DCC: variants seen among roughly 807,000 people sequenced by gnomAD.
DCC encodes netrin receptor DCC.
Under a neutral mutation model 172.5 loss-of-function variants are expected in DCC, and 58 were observed. The ratio of observed to expected loss-of-function variants is 0.34; its 90% confidence interval spans 0.27 to 0.42. DCC has a LOEUF of 0.42. Ranked by LOEUF, DCC falls within the 10% of genes least tolerant of loss-of-function variation. The pLI is 1.00. For synonymous variants in DCC, 709 were observed against 644.5 expected (o/e 1.10, Z -1.52); for missense variants, 1,740 against 1,791.0 (o/e 0.97, Z 0.51).
intron 1 of DCC, among the ~76,000 whole-genome samples, chr18:52,391,264 C>T (rs1986019628): frequency 2.6e-5 from 4 of 152,080 alleles, no homozygotes; most frequent in Admixed American, 6.6e-5. Context: ...CTTTGTAGCT[C>T]ATGAACACTT....
At chr18:52,957,742 A>G (rs754751742) in intron 5 of DCC, among the ~76,000 whole-genome samples, 1 of 152,134 alleles carries the variant, frequency 6.6e-6, no homozygotes, top group Non-Finnish European at 1.5e-5. Context: ...GCCAGGAGGT[A>G]TAGAGAGTAC....
intron 5 of DCC, among the ~76,000 whole-genome samples, chr18:52,935,768 T>C (rs2040372015): frequency 6.6e-6 from 1 of 152,112 alleles, no homozygotes; most frequent in African/African-American, 2.4e-5. Context: ...CTCTTTGCCA[T>C]AAATGGGAAG....
chr18:53,102,011 T>G (rs2043180727), intron 7 of DCC, among the ~76,000 whole-genome samples: 1 of 152,124 alleles, frequency 6.6e-6, no homozygotes. Flanking sequence ...AAGCAGGCCC[T>G]GCATTAAGGC....
intron 27 of DCC, among the ~76,000 whole-genome samples, chr18:53,521,079 C>T (rs944929237): frequency 6.6e-6 from 1 of 151,832 alleles, no homozygotes; most frequent in Non-Finnish European, 1.5e-5. Context: ...CAAGAGCCCT[C>T]GTGGTTCCGG....
intron 23 of DCC, among the ~76,000 whole-genome samples, chr18:53,451,749 C>A (rs962230536): frequency 6.6e-6 from 1 of 151,506 alleles, no homozygotes; most frequent in African/African-American, 2.4e-5. Flanking sequence ...CTCTCTCTCT[C>A]TGTCTGTCTT....
chr18:52,366,448 G>C (rs564910823), intron 1 of DCC, among the ~76,000 whole-genome samples: 5 of 152,130 alleles, frequency 3.3e-5, no homozygotes, highest in Non-Finnish European at 5.9e-5. Context: ...TGGTAGAGCC[G>C]AGTGGCCTGT....
At chr18:52,768,909 A>G (rs974890465) in intron 2 of DCC, among the ~76,000 whole-genome samples, 3 of 152,226 alleles carry the variant, frequency 2.0e-5, no homozygotes, top group Admixed American at 1.3e-4. Flanking sequence ...CAGAAGAGAA[A>G]AATATCTGTG....
chr18:53,259,373 G>A (rs543723080), intron 12 of DCC, among the ~76,000 whole-genome samples: 309 of 152,256 alleles, frequency 2.0e-3, no homozygotes, highest in African/African-American at 7.1e-3. Context: ...CATGTTTAGT[G>A]CTTCCTTCAG....
At chr18:53,501,494 T>C (rs2046097119) in intron 27 of DCC, among the ~76,000 whole-genome samples, 4 of 152,220 alleles carry the variant, frequency 2.6e-5, no homozygotes, top group Admixed American at 6.5e-5. Context: ...AGAAACATCT[T>C]AAAATAATTC....
chr18:52,912,543 C>G (rs1424707755), intron 3 of DCC, among the ~76,000 whole-genome samples: 1 of 151,974 alleles, frequency 6.6e-6, no homozygotes, highest in Non-Finnish European at 1.5e-5. Context: ...GCATCTTCTT[C>G]CTCTCTAGTA....
chr18:52,990,064 A>G (rs960676278), intron 5 of DCC, among the ~76,000 whole-genome samples: 2 of 152,174 alleles, frequency 1.3e-5, no homozygotes, highest in African/African-American at 2.4e-5. Flanking sequence ...GAAAGACACT[A>G]TATTCTCTCA....
intron 25 of DCC, among the ~76,000 whole-genome samples, chr18:53,470,370 T>C (rs1284159484): frequency 1.3e-5 from 2 of 152,050 alleles, no homozygotes; most frequent in African/African-American, 4.8e-5. Flanking sequence ...CTACAAGCAT[T>C]TTGGTCAAAA....
chr18:52,463,366 C>T (rs562331398), intron 1 of DCC, among the ~76,000 whole-genome samples: 1 of 152,064 alleles, frequency 6.6e-6, no homozygotes, highest in East Asian at 1.9e-4. Flanking sequence ...ACAATAAGAC[C>T]AGAGATAAAG....
chr18:52,497,529 G>A (rs1250758215), intron 1 of DCC, among the ~76,000 whole-genome samples: 6 of 150,884 alleles, frequency 4.0e-5, no homozygotes, highest in Non-Finnish European at 8.9e-5. Flanking sequence ...TTCCACAATG[G>A]TTTGCAATTG....
At chr18:53,071,427 C>T (rs1373826288) in intron 7 of DCC, among the ~76,000 whole-genome samples, 1 of 152,088 alleles carries the variant, frequency 6.6e-6, no homozygotes, top group African/African-American at 2.4e-5. Flanking sequence ...TTTTAAAAAT[C>T]GTTACACTAC....
intron 1 of DCC, among the ~76,000 whole-genome samples, chr18:52,727,112 T>C (rs948891715): frequency 1.3e-5 from 2 of 152,136 alleles, no homozygotes; most frequent in African/African-American, 4.8e-5. Context: ...GTCACAGCAA[T>C]AATAGATATA....
rs200112186 is a variant in DCC at position 52,635,532 on chromosome 18, A to AT, written c.92-116515dup. ...TTATTTAAATTAGAAGGAAAAACGT[A>AT]TTTTTTTAAAGCAGAGACTTAATAC... is the stretch of plus-strand genomic sequence containing the variant. On this transcript the variant is annotated intron_variant, in intron 1 of 28. Coordinates refer to ENST00000442544, the MANE Select transcript of DCC (RefSeq NM_005215.4). Among the ~76,000 whole-genome samples, 772 of 152,308 alleles carry AT rather than the reference A, an allele frequency of 5.1e-3. 2 individuals carry two copies. Among genetic ancestry groups the AT allele is most frequent in the Non-Finnish European group, 8.3e-3 (566 of 68,020 alleles).
chr18:53,090,929 T>A (rs2144179172), intron 7 of DCC, among the ~76,000 whole-genome samples: 1 of 151,980 alleles, frequency 6.6e-6, no homozygotes, highest in Middle Eastern at 3.4e-3. Flanking sequence ...TAGAAGCATG[T>A]GTCCTGGGGT....
intron 2 of DCC, among the ~76,000 whole-genome samples, chr18:52,894,616 T>G (rs2039701637): frequency 6.6e-6 from 1 of 151,858 alleles, no homozygotes; most frequent in Non-Finnish European, 1.5e-5. Flanking sequence ...TATCTATAAT[T>G]GGCAAGCTGG....
Sources: gnomAD v4.1 joint callset for allele counts (sites outside exome capture counted in the v4.1 genomes callset) on GRCh38, gnomAD v4.1.1 for gene constraint, MANE v1.5 for transcripts, NCBI Gene and HGNC (gene_info 2026-07-23, HGNC 2026-07-21) for gene names.